Variants in COL23A1 observed in about 807,000 individuals in gnomAD.
COL23A1 encodes the protein collagen type XXIII alpha 1 chain.
Under a neutral mutation model 99.3 loss-of-function variants are expected in COL23A1, and 97 were observed. The ratio of observed to expected loss-of-function variants is 0.98; its 90% CI spans 0.83 to 1.16. COL23A1 has a LOEUF of 1.16. COL23A1 is among the 50% of genes most tolerant of loss of function. COL23A1 has a pLI of 0.00. For synonymous variants in COL23A1, 320 were observed against 308.2 expected (o/e 1.04, Z -0.40); for missense variants, 762 against 757.4 (o/e 1.01, Z -0.07).
intron 2 of COL23A1, among the ~76,000 whole-genome samples, chr5:178,537,627 C>T (rs1045519064): frequency 1.3e-5 from 2 of 152,222 alleles, no homozygotes; most frequent in Non-Finnish European, 2.9e-5. Context: ...AAAATGGACA[C>T]CACGGTCTGC....
chr5:178,483,864 C>T (rs919524911), intron 2 of COL23A1, among the ~76,000 whole-genome samples: 2 of 152,230 alleles, frequency 1.3e-5, no homozygotes, highest in Non-Finnish European at 2.9e-5. Flanking sequence ...GGGATGTACA[C>T]ACTCAGCAAC....
chr5:178,590,324 A>G lies in COL23A1; in HGVS notation c.-127T>C. The G allele has an allele frequency of 1.2e-6, 1 of 869,306 alleles. No homozygotes were observed. The highest frequency in any genetic ancestry group is 1.8e-5 in the African/African-American group (1 of 55,888). 53.8% of individuals were successfully genotyped at this position (869,306 alleles called of 1,614,324 possible). On this transcript the variant is annotated 5_prime_UTR_variant, in exon 1 of 29. Transcript: ENST00000390654. The surrounding 1 kb of genome is among the most constrained non-coding windows in gnomAD (Gnocchi z 5.7). ...CGGGCGCGGGGGTTAGCCTCCGGGT[A>G]GCAGCGGATCGCCGCGCACGCCCCC...
chr5:178,241,097 G>A (rs550282829), intron 27 of COL23A1, among the ~76,000 whole-genome samples: 3 of 152,176 alleles, frequency 2.0e-5, no homozygotes, highest in Non-Finnish European at 4.4e-5. Flanking sequence ...GGGCATGGTG[G>A]TGCATGCCTG....
At chr5:178,242,516 C>T in intron 25 of COL23A1, 122 bp from the exon 26 acceptor site, 1 of 946,026 alleles carries the variant, frequency 1.1e-6, no homozygotes, top group Non-Finnish European at 1.7e-6. Context: ...ATTCGTGGCA[C>T]ACGCTGGCCT....
At chr5:178,536,296 C>T (rs1251351410) in intron 2 of COL23A1, among the ~76,000 whole-genome samples, 2 of 152,258 alleles carry the variant, frequency 1.3e-5, no homozygotes, top group African/African-American at 4.8e-5. Flanking sequence ...GACAACAGCA[C>T]CCTGACAGAC....
chr5:178,517,568 G>GTTTTTTTTTTTTTTTTTT (rs70997606), intron 2 of COL23A1, among the ~76,000 whole-genome samples: 2 of 108,258 alleles, frequency 1.8e-5, no homozygotes, highest in African/African-American at 7.7e-5. Context: ...TTTTTTTTTT[G>GTTTTTTTTTTTTTTTTTT]TTTTTTTTTT....
chr5:178,551,128 T>TAA (rs1562081447), intron 2 of COL23A1, among the ~76,000 whole-genome samples: 3 of 148,580 alleles, frequency 2.0e-5, no homozygotes, highest in Non-Finnish European at 4.5e-5. Context: ...CTAGTAATTT[T>TAA]AAAATATATA....
At chr5:178,263,427 C>T (rs1169248649) in intron 8 of COL23A1, 103 bp from the exon 9 acceptor site, 3 of 726,352 alleles carry the variant, frequency 4.1e-6, no homozygotes, top group Non-Finnish European at 6.9e-6. Context: ...CTTCCCCAGC[C>T]CTTGGGCAGG....
At chr5:178,282,966 G>T (rs929137521) in intron 5 of COL23A1, among the ~76,000 whole-genome samples, 1 of 152,140 alleles carries the variant, frequency 6.6e-6, no homozygotes, top group African/African-American at 2.4e-5. Context: ...TGCCTCCTGG[G>T]TTCAAGTGAT....
Position 178,590,063 on chromosome 5 carries a change from C to G in COL23A1, c.135G>C (p.Val45=). ...GCAGCAGGCAGGCAGCCGCCGAGCC[C>G]ACGGAGAGCAGCAGGCACAGCGCGC... The part of the protein sequence containing the change: ...AVSALCLLLS[V]GSAAACLLLG... Residue 45 remains valine (V), a synonymous_variant, in exon 1 of 29, where the codon GTG becomes GTC. Transcript: ENST00000390654. This position sits in a 1 kb window ranked among gnomAD's most constrained non-coding sequence, Gnocchi z 5.7. 2.2e-6 allele frequency: 3 copies of G among 1,343,360 alleles called. No homozygotes were observed. 83.2% of individuals were successfully genotyped at this position (1,343,360 alleles called of 1,614,324 possible). A position where few individuals can be genotyped will look rare whatever the true frequency, so the allele number is the denominator to read the frequency against.
intron 3 of COL23A1, among the ~76,000 whole-genome samples, chr5:178,300,313 G>T (rs1446868051): frequency 6.6e-6 from 1 of 151,556 alleles, no homozygotes; most frequent in Non-Finnish European, 1.5e-5. Flanking sequence ...TGATCCACCC[G>T]CCTCAGCCTC....
At chr5:178,380,150 G>T (rs1429531273) in intron 2 of COL23A1, among the ~76,000 whole-genome samples, 1 of 152,160 alleles carries the variant, frequency 6.6e-6, no homozygotes, top group Non-Finnish European at 1.5e-5. Flanking sequence ...TACCACTGAG[G>T]AATGGTTTTA....
At chr5:178,421,432 T>C (rs1165451152) in intron 2 of COL23A1, among the ~76,000 whole-genome samples, 1 of 152,144 alleles carries the variant, frequency 6.6e-6, no homozygotes, top group African/African-American at 2.4e-5. Flanking sequence ...GGAAACCGAA[T>C]TTGGTAATGG....
At position 178,351,215 on chromosome 5, in the gene COL23A1, C is replaced by G. The variant is rs141506484; in HGVS notation, c.362-44296G>C. On this transcript the variant is annotated intron_variant, in intron 2 of 28. Coordinates refer to ENST00000390654, the MANE Select transcript of COL23A1 (RefSeq NM_173465.4). The stretch of plus-strand genomic sequence containing the variant: ...GGCTCTGGAGGTGAGCAGGGGGATT[C>G]TGGCTCTAGAGAAAGATCTAGGTGG... 2.9e-3 allele frequency: 440 copies of G among 152,424 alleles called. 5 individuals carry two copies. The highest frequency in any genetic ancestry group is 5.8e-3 in the Admixed American group (88 of 15,300). 9.4% of individuals were successfully genotyped at this position (152,424 alleles called of 1,614,324 possible).
intron 14 of COL23A1, 118 bp from the exon 15 acceptor site, chr5:178,256,515 T>C (rs934764060): frequency 4.4e-6 from 4 of 918,162 alleles, no homozygotes; most frequent in Admixed American, 3.0e-5. Flanking sequence ...GCTGGAACCC[T>C]AATAGCCAAA....
At position 178,366,134 on chromosome 5, in the gene COL23A1, C is replaced by T. The variant is rs920774826; in HGVS notation, c.362-59215G>A. On this transcript the variant is annotated intron_variant, in intron 2 of 28. Transcript: ENST00000390654. This position sits in a 1 kb window ranked among gnomAD's most constrained non-coding sequence, Gnocchi z 4.4. ...GACCATCTGTTAAAGCTCCATCTACCCTACGAGGAGGCGAGTCCCCAAGGG... is the reference window on the plus strand; with the variant it reads ...GACCATCTGTTAAAGCTCCATCTACTCTACGAGGAGGCGAGTCCCCAAGGG... Among the ~76,000 whole-genome samples, 1 of 152,190 alleles carries T rather than the reference C, an allele frequency of 6.6e-6. No homozygotes were observed. Among genetic ancestry groups the T allele is most frequent in the African/African-American group, 2.4e-5 (1 of 41,448 alleles).
chr5:178,587,312 G>A (rs1205690575), intron 1 of COL23A1, among the ~76,000 whole-genome samples: 1 of 152,146 alleles, frequency 6.6e-6, no homozygotes, highest in Non-Finnish European at 1.5e-5. Context: ...TAATGATCAT[G>A]AGTTGACATG....
chr5:178,543,315 C>T (rs927395173), intron 2 of COL23A1, among the ~76,000 whole-genome samples: 1 of 152,088 alleles, frequency 6.6e-6, no homozygotes, highest in African/African-American at 2.4e-5. Context: ...CCACGTTGGC[C>T]AGGCTGGTCG....
intron 2 of COL23A1, among the ~76,000 whole-genome samples, chr5:178,351,451 C>T (rs1394541032): frequency 1.3e-5 from 2 of 152,188 alleles, no homozygotes; most frequent in African/African-American, 4.8e-5. Flanking sequence ...GCCCAGGGAA[C>T]TGGGAGCTCA....
Sources: allele counts gnomAD v4.1 joint callset (sites outside exome capture counted in the v4.1 genomes callset), GRCh38; gene constraint gnomAD v4.1.1; non-coding constraint Gnocchi (gnomAD v3.1); transcripts MANE v1.5; gene names NCBI Gene and HGNC (gene_info 2026-07-23, HGNC 2026-07-21).